The following NOTUM variants were observed in gnomAD, a reference collection of about 807,000 sequenced individuals.
The protein encoded by NOTUM is notum, palmitoleoyl-protein carboxylesterase.
Under a neutral mutation model 65.5 loss-of-function variants are expected in NOTUM, and 36 were observed. That is an observed-to-expected ratio of 0.55 (90% CI 0.42 to 0.73). The LOEUF is 0.73. Among genes scored for constraint, NOTUM ranks in the 30% least tolerant of loss-of-function variants. The pLI is 0.00. For missense variants in NOTUM, 659 were observed against 694.2 expected, an observed-to-expected ratio of 0.95 and a Z score of 0.57; for synonymous variants, 356 against 297.9, an observed-to-expected ratio of 1.20 and a Z score of -2.01.
intron 10 of NOTUM, among the ~76,000 whole-genome samples, chr17:81,953,545 T>C (rs35878485): frequency 0.57 from 86,534 of 151,602 alleles, 25,127 homozygotes; most frequent in Non-Finnish European, 0.59. Flanking sequence ...CTGCCCCCAT[T>C]GGCCTCCCAA....
In NOTUM at chr17:81,958,961, G is replaced by A. The variant is rs201455779; in HGVS notation, c.507C>T (p.Asn169=). ...CCATGTTTGCGTTCCACCAGTAGGG[G>A]TTCTCCTCCGGCTGTGAGGACAGGA... ...TGILSSQPEE[N]PYWWNANMVF... The change falls in exon 4 of 11, where the codon AAC becomes AAT. Residue 169 remains asparagine (N), a synonymous_variant. Coordinates refer to ENST00000409678, the MANE Select transcript of NOTUM (RefSeq NM_178493.6). The A allele has an allele frequency of 1.3e-5, 21 of 1,613,162 alleles. No homozygotes were observed. Among genetic ancestry groups the A allele is most frequent in the South Asian group, 4.4e-5 (4 of 91,082 alleles).
chr17:81,954,339 AC>A (rs2041412039), intron 9 of NOTUM, 36 bp from the exon 10 acceptor site: 2 of 1,530,734 alleles, frequency 1.3e-6, no homozygotes, highest in Non-Finnish European at 9.0e-7. Context: ...TGAGCTCCTT[AC>A]CCCCTCAGCC....
chr17:81,960,984 G>GCACCC lies in NOTUM; in HGVS notation c.-76_-75insGGGTG. 2 of 811,138 alleles carry GCACCC rather than the reference G, an allele frequency of 2.5e-6. No homozygotes were observed. Among genetic ancestry groups the GCACCC allele is most frequent in the Non-Finnish European group, 3.2e-6 (2 of 630,174 alleles). 50.2% of individuals were successfully genotyped at this position (811,138 alleles called of 1,614,324 possible). On this transcript the variant is annotated 5_prime_UTR_variant, in exon 1 of 11. Coordinates refer to ENST00000409678, the MANE Select transcript of NOTUM (RefSeq NM_178493.6). The surrounding 1 kb of genome is among the most constrained non-coding windows in gnomAD (Gnocchi z 6.4). Reference sequence around the variant, plus strand: ...CGGCGGGGGATGCCGGGCCGGGGGTGCCGGGCCGGGGGTGTCGGGGGCACT... The same window carrying GCACCC: ...CGGCGGGGGATGCCGGGCCGGGGGTGCACCCCCGGGCCGGGGGTGTCGGGGGCACT...
At chr17:81,953,991 T>C (rs1298890242) in intron 10 of NOTUM, among the ~76,000 whole-genome samples, 1 of 151,678 alleles carries the variant, frequency 6.6e-6, no homozygotes, top group Non-Finnish European at 1.5e-5. Context: ...TTGGCCAGGC[T>C]GGTGTCGAAC....
At chr17:81,958,272 CTCCCTGCCCTGCCATCCGGCCCCG>C in intron 5 of NOTUM, 39 bp downstream of exon 5, 9 of 1,130,280 alleles carry the variant, frequency 8.0e-6, no homozygotes, top group South Asian at 2.5e-5. Context: ...GTCCTGCCTC[CTCCCTGCCCTGCCATCCGGCCCCG>C]TCCCTGCCCT....
At chr17:81,955,172 G>A (rs2041421662) in intron 9 of NOTUM, among the ~76,000 whole-genome samples, 1 of 152,038 alleles carries the variant, frequency 6.6e-6, no homozygotes, top group African/African-American at 2.4e-5. Flanking sequence ...GTGGAGATAG[G>A]GTTTTGCCAT....
Position 81,956,941 on chromosome 17 carries a change from T to C in NOTUM, c.829A>G (p.Thr277Ala). Reference sequence around the variant, plus strand: ...CACGTGATCGTGTCGACGCAGTCTGTGTGGCGATACTGCTTGTTGTCCAGG... The same window carrying C: ...CACGTGATCGTGTCGACGCAGTCTGCGTGGCGATACTGCTTGTTGTCCAGG... ...WFLDNKQYRHTDCVDTITCAP... is the reference protein window; with the variant it reads ...WFLDNKQYRHADCVDTITCAP... The change falls in exon 7 of 11, where the codon ACA becomes GCA. Residue 277 changes from threonine (T) to alanine (A), a missense_variant. Thr to Ala is a moderately conservative substitution (Grantham distance 58). Transcript: ENST00000409678. 6.2e-7 allele frequency: 1 copy of C among 1,613,252 alleles called. No homozygotes were observed.
intron 10 of NOTUM, 61 bp from the exon 11 acceptor site, chr17:81,953,328 C>CT: frequency 1.7e-6 from 2 of 1,157,872 alleles, no homozygotes; most frequent in South Asian, 1.5e-5. Flanking sequence ...ACTGAGGCAG[C>CT]TGTTTTTTTT....
chr17:81,952,608 T>C lies in NOTUM; in HGVS notation c.*353A>G. The C allele has an allele frequency of 4.1e-6, 1 of 246,620 alleles. No homozygotes were observed. The highest frequency in any genetic ancestry group is 7.8e-6 in the Non-Finnish European group (1 of 128,558). The allele number at this position is 246,620 out of a possible 1,614,324, so 15.3% of individuals were successfully genotyped here. ...TCCTTTTTTTAAAAAATTAAAGTAA[T>C]AAAAAAGTCACTTTATAAAATAATA... On this transcript the variant is annotated 3_prime_UTR_variant, in exon 11 of 11. Transcript: ENST00000409678.
intron 3 of NOTUM, 192 bp downstream of exon 3, chr17:81,959,279 G>A (rs1033480147): frequency 6.5e-6 from 4 of 614,076 alleles, no homozygotes; most frequent in South Asian, 3.9e-5. Flanking sequence ...GAGCCGCTGG[G>A]TAAGCGCCTG....
Position 81,952,827 on chromosome 17 carries a change from G to A in NOTUM, c.*134C>T. 2 of 776,274 alleles carry A rather than the reference G, an allele frequency of 2.6e-6. No homozygotes were observed. Among genetic ancestry groups the A allele is most frequent in the Non-Finnish European group, 2.1e-6 (1 of 470,504 alleles). The allele number at this position is 776,274 out of a possible 1,614,324, so 48.1% of individuals were successfully genotyped here. A position where few individuals can be genotyped will look rare whatever the true frequency, so the allele number is the denominator to read the frequency against. On this transcript the variant is annotated 3_prime_UTR_variant, in exon 11 of 11. Transcript: ENST00000409678. ...GAAAGCCGGGGCAGGAGGGCAGTGG[G>A]CAGACCCAGACAGGGGGGACGGCTG...
intron 3 of NOTUM, 58 bp downstream of exon 3, chr17:81,959,413 G>A: frequency 7.5e-7 from 1 of 1,336,700 alleles, no homozygotes; most frequent in Non-Finnish European, 1.0e-6. Flanking sequence ...CCAGGAGGCG[G>A]GCGCGGCTTC....
Position 81,955,425 on chromosome 17 carries a change from C to A in NOTUM, c.1108G>T (p.Glu370Ter). The A allele has an allele frequency of 6.3e-7, 1 of 1,593,390 alleles. No individual in the cohort carries two copies. The highest frequency in any genetic ancestry group is 8.5e-7 in the Non-Finnish European group (1 of 1,170,802). ...ACGTCCTTGAGTGTGTGGCGCAGCT[C>A]GCGGCCGAGGTTCTGGATGTACAGC... Reference protein sequence around the residue: ...LRLYIQNLGRELRHTLKDVPA... With the variant: ...LRLYIQNLGR Residue 370 changes from glutamate (E) to a stop codon, truncating the protein, a stop_gained, in exon 9 of 11, where the codon GAG becomes TAG. Coordinates refer to ENST00000409678, the MANE Select transcript of NOTUM (RefSeq NM_178493.6). LOFTEE classifies it high-confidence loss of function.
chr17:81,957,160 G>A (rs768910732), intron 6 of NOTUM, 86 bp from the exon 7 acceptor site: 54 of 1,110,268 alleles, frequency 4.9e-5, no homozygotes, highest in African/African-American at 2.3e-4. Flanking sequence ...CCCGTGCCCC[G>A]AGGGGGGCAG....
rs1282884458 is a variant in NOTUM at position 81,960,871 on chromosome 17, C to G, written c.39G>C (p.Leu13=). ...RGVRVLLLLS[L]LHCAGGSEGR... ...CCTCGCTGCCCCCGGCGCAGTGCAG[C>G]AGGCTCAGCAGCAGCAGCACGCGCA... Residue 13 remains leucine (L), a synonymous_variant, in exon 1 of 11, where the codon CTG becomes CTC. Coordinates refer to ENST00000409678, the MANE Select transcript of NOTUM (RefSeq NM_178493.6). The surrounding 1 kb of genome is among the most constrained non-coding windows in gnomAD (Gnocchi z 6.4). The G allele has an allele frequency of 7.6e-5, 108 of 1,413,268 alleles. No individual in the cohort carries two copies. In the East Asian group the frequency reaches 2.8e-3, roughly 37 times the overall value. The allele number at this position is 1,413,268 out of a possible 1,614,324, so 87.5% of individuals were successfully genotyped here. A position where few individuals can be genotyped will look rare whatever the true frequency, so the allele number is the denominator to read the frequency against.
chr17:81,956,175 G>A (rs560268972), intron 8 of NOTUM, among the ~76,000 whole-genome samples: 19 of 152,298 alleles, frequency 1.2e-4, no homozygotes, highest in African/African-American at 3.8e-4. Context: ...CCATGACCTT[G>A]GCCTGGTTCT....
At position 81,956,796 on chromosome 17, in the gene NOTUM, G is replaced by A. The variant is rs749874686; in HGVS notation, c.888-46C>T. The A allele has an allele frequency of 1.3e-5, 20 of 1,592,516 alleles. No homozygotes were observed. In the East Asian group the frequency reaches 1.8e-4, roughly 14 times the overall value. Reference sequence around the variant, plus strand: ...TAGGCTGCCGTGGGTCTCGTCCCCCGGGGCTCCCCACCCACAGATGCCACT... The same window carrying A: ...TAGGCTGCCGTGGGTCTCGTCCCCCAGGGCTCCCCACCCACAGATGCCACT... On this transcript the variant is annotated intron_variant, in intron 7 of 10. Coordinates refer to ENST00000409678, the MANE Select transcript of NOTUM (RefSeq NM_178493.6).
chr17:81,960,764 A>G lies in NOTUM; in HGVS notation c.146T>C (p.Val49Ala). 6.3e-7 allele frequency: 1 copy of G among 1,584,954 alleles called. No homozygotes were observed. The highest frequency in any genetic ancestry group is 8.6e-7 in the Non-Finnish European group (1 of 1,166,642). ...TEAAPAAGQP[V>A]ESFPLDFTAV... is the part of the protein sequence containing the mutation. ...CGTGAAGTCCAGCGGGAAGCTCTCC[A>G]CGGGCTGTCCGGCCGCCGGCGCCGC... Residue 49 changes from valine (V) to alanine (A), a missense_variant, in exon 1 of 11, where the codon GTG (valine) becomes GCG (alanine). By Grantham distance (64) the Val-to-Ala change is moderately conservative. Coordinates refer to ENST00000409678, the MANE Select transcript of NOTUM (RefSeq NM_178493.6). The surrounding 1 kb of genome is among the most constrained non-coding windows in gnomAD (Gnocchi z 6.4).
intron 5 of NOTUM, 36 bp downstream of exon 5, chr17:81,958,299 C>A (rs373591026): frequency 4.2e-5 from 63 of 1,487,964 alleles, no homozygotes; most frequent in Non-Finnish European, 5.6e-5. Context: ...CGGCCCCGTC[C>A]CTGCCCTGCC....
Sources: gnomAD v4.1 joint callset for allele counts (sites outside exome capture counted in the v4.1 genomes callset) on GRCh38, gnomAD v4.1.1 for gene constraint, Gnocchi (gnomAD v3.1) non-coding constraint, MANE v1.5 for transcripts, NCBI Gene and HGNC (gene_info 2026-07-23, HGNC 2026-07-21) for gene names.